XIRP2: variants seen among roughly 807,000 people sequenced by gnomAD.
XIRP2 encodes the protein xin actin binding repeat containing 2, also known as xin actin-binding repeat-containing protein 2.
Under a neutral mutation model 277.0 loss-of-function variants are expected in XIRP2, and 236 were observed. The observed-to-expected ratio is 0.85, with a 90% CI of 0.77 to 0.95. The LOEUF is 0.95. XIRP2 is among the 40% of genes least tolerant of loss of function. The pLI is 0.00. For synonymous variants in XIRP2, 1,490 were observed against 1,416.5 expected, an observed-to-expected ratio of 1.05 and a Z score of -1.17; for missense variants, 4,640 against 4,157.5, an observed-to-expected ratio of 1.12 and a Z score of -3.19.
At chr2:167,072,360 A>G (rs1311468749) in intron 2 of XIRP2, among the ~76,000 whole-genome samples, 1 of 152,172 alleles carries the variant, frequency 6.6e-6, no homozygotes, top group African/African-American at 2.4e-5. Flanking sequence ...TATAATAGCT[A>G]TGTAATTCTT....
intron 2 of XIRP2, among the ~76,000 whole-genome samples, chr2:166,943,328 A>G (rs377441564): frequency 1.0e-3 from 154 of 152,338 alleles, no homozygotes; most frequent in African/African-American, 3.5e-3. Flanking sequence ...TAGCCAAAGC[A>G]TTGAAAGGTG....
chr2:167,243,795 C>T lies in XIRP2; in HGVS notation c.2403C>T (p.Val801=). The T allele has an allele frequency of 6.2e-7, 1 of 1,613,886 alleles. No individual in the cohort carries two copies. The highest frequency in any genetic ancestry group is 8.5e-7 in the Non-Finnish European group (1 of 1,179,918). Residue 801 remains valine (V), a synonymous_variant, in exon 9 of 11, where the codon GTC becomes GTT. Transcript: ENST00000409195. ...GAGGAATATCCATGGAAGAAAATGT[C>T]AAAGGTGGGGTGAGTAAGGCAAAGT... The part of the protein sequence containing the change: ...VVRGISMEEN[V]KGGVSKAKWL...
chr2:167,192,897 A>C (rs1294779956), intron 3 of XIRP2, among the ~76,000 whole-genome samples: 2 of 152,176 alleles, frequency 1.3e-5, no homozygotes, highest in Non-Finnish European at 2.9e-5. Flanking sequence ...ACAGAACTTC[A>C]TTAGAGCCTT....
chr2:167,218,395 T>G (rs1694322479), intron 5 of XIRP2, 95 bp downstream of exon 5: 8 of 1,150,104 alleles, frequency 7.0e-6, no homozygotes, highest in African/African-American at 1.6e-5. Context: ...GTGATACATT[T>G]ATTTTCATTA....
rs576091517 is a variant in XIRP2 at position 167,023,483 on chromosome 2, T to G, written c.409-112426T>G. Among the ~76,000 whole-genome samples the G allele has an allele frequency of 1.6e-3, 239 of 151,762 alleles. 1 individual carries two copies. Among genetic ancestry groups the G allele is most frequent in the East Asian group, 9.5e-3 (49 of 5,162 alleles). On this transcript the variant is annotated intron_variant, in intron 2 of 10. Transcript: ENST00000409195. ...AATTAGATCCCATTTGTCAATTTTG[T>G]CTTTTGTTGCCATTGCTTTTGGTGT... is the stretch of plus-strand genomic sequence containing the variant.
chr2:167,188,531 G>A (rs1352184448), intron 3 of XIRP2, among the ~76,000 whole-genome samples: 3 of 152,144 alleles, frequency 2.0e-5, no homozygotes, highest in South Asian at 2.1e-4. Flanking sequence ...TTACCTTGGC[G>A]ACATTCAGAG....
intron 2 of XIRP2, among the ~76,000 whole-genome samples, chr2:166,938,154 T>C (rs1350816490): frequency 6.6e-6 from 1 of 152,216 alleles, no homozygotes; most frequent in Non-Finnish European, 1.5e-5. Flanking sequence ...ATGTGTTTGC[T>C]CTTGCTTTTC....
chr2:166,962,877 C>A (rs1686333236), intron 2 of XIRP2, among the ~76,000 whole-genome samples: 2 of 151,618 alleles, frequency 1.3e-5, no homozygotes, highest in South Asian at 4.1e-4. Flanking sequence ...CAGTTTTTTT[C>A]TTACATTTTA....
intron 3 of XIRP2, among the ~76,000 whole-genome samples, chr2:167,148,417 G>GAGAA (rs1054939132): frequency 1.2e-4 from 16 of 131,002 alleles, no homozygotes; most frequent in East Asian, 4.6e-4. Context: ...GAAAGAAAGA[G>GAGAA]AGAAAGAAAG....
intron 2 of XIRP2, among the ~76,000 whole-genome samples, chr2:166,905,607 A>G (rs574895449): frequency 1.3e-5 from 2 of 152,142 alleles, no homozygotes; most frequent in East Asian, 1.9e-4. Context: ...CTAAGGTTCT[A>G]TGTCATAATA....
intron 4 of XIRP2, among the ~76,000 whole-genome samples, chr2:167,215,877 G>A (rs984073225): frequency 2.6e-5 from 4 of 152,182 alleles, no homozygotes; most frequent in Admixed American, 2.6e-4. Flanking sequence ...AAGGGGCATA[G>A]GTCTCACAGG....
intron 3 of XIRP2, among the ~76,000 whole-genome samples, chr2:167,167,625 A>G (rs1692562458): frequency 6.6e-6 from 1 of 152,132 alleles, no homozygotes; most frequent in Admixed American, 6.6e-5. Context: ...TATAATACAT[A>G]ATAATCCTAA....
At chr2:166,907,842 C>T (rs1347893030) in intron 2 of XIRP2, among the ~76,000 whole-genome samples, 1 of 146,680 alleles carries the variant, frequency 6.8e-6, no homozygotes. Context: ...TCAATTCCCA[C>T]CTATGAGTGA....
In XIRP2 at chr2:167,256,389, G is replaced by A. The variant is rs1319698255; in HGVS notation, c.*40-1468G>A. 4.0e-5 allele frequency among the ~76,000 whole-genome samples: 6 copies of A among 151,236 alleles called. 1 individual carries two copies. In the South Asian group the frequency reaches 1.0e-3, roughly 26 times the overall value. On this transcript the variant is annotated intron_variant, in intron 10 of 10. Transcript: ENST00000409195. ...CTTTTTATTGTGTTTATTTGCTCTT[G>A]TATTTCTTTTAGTTTAGTTTTGTTG... is the stretch of plus-strand genomic sequence containing the variant.
chr2:167,216,738 A>T (rs1470233991), intron 4 of XIRP2, among the ~76,000 whole-genome samples: 11 of 76,072 alleles, frequency 1.4e-4, no homozygotes, highest in African/African-American at 1.1e-3. Context: ...TTCCTCAGGG[A>T]TCTAGAACTA....
At chr2:167,252,103 T>C in intron 9 of XIRP2, 156 bp downstream of exon 9, 1 of 1,181,920 alleles carries the variant, frequency 8.5e-7, no homozygotes, top group East Asian at 2.7e-5. Context: ...ACTCTTTATA[T>C]GCTTGCTTTT....
chr2:167,126,445 G>T (rs1348269587), intron 2 of XIRP2, among the ~76,000 whole-genome samples: 1 of 152,106 alleles, frequency 6.6e-6, no homozygotes, highest in Non-Finnish European at 1.5e-5. Flanking sequence ...CTTGATGGAG[G>T]AGTGGAAGGT....
At chr2:167,098,558 C>T (rs917627649) in intron 2 of XIRP2, among the ~76,000 whole-genome samples, 1 of 152,238 alleles carries the variant, frequency 6.6e-6, no homozygotes, top group East Asian at 1.9e-4. Flanking sequence ...TCATCAAACT[C>T]ATTCTCCATC....
At chr2:167,012,487 T>C (rs1308200263) in intron 2 of XIRP2, among the ~76,000 whole-genome samples, 1 of 151,720 alleles carries the variant, frequency 6.6e-6, no homozygotes, top group African/African-American at 2.4e-5. Flanking sequence ...AAAAGTTGAA[T>C]AATCCAGCTT....
Sources: gnomAD v4.1 joint callset for allele counts (sites outside exome capture counted in the v4.1 genomes callset) on GRCh38, gnomAD v4.1.1 for gene constraint, MANE v1.5 for transcripts, NCBI Gene and HGNC (gene_info 2026-07-23, HGNC 2026-07-21) for gene names.